The following RNF128 variants were observed in gnomAD, a reference collection of about 807,000 sequenced individuals.
RNF128 encodes the protein ring finger protein 128.
Under a neutral mutation model 26.2 loss-of-function variants are expected in RNF128, and 13 were observed. That is an observed-to-expected ratio of 0.50 (90% CI 0.32 to 0.79). The LOEUF is 0.79. Ranked by LOEUF, RNF128 falls within the 30% of genes least tolerant of loss-of-function variation. The probability of loss-of-function intolerance (pLI) is 0.03; values close to 1 mark genes in which losing one functional copy is unlikely to be tolerated. For missense variants in RNF128, 315 were observed against 349.7 expected (o/e 0.90, Z 0.79); for synonymous variants, 149 against 142.5 (o/e 1.05, Z -0.32).
At chrX:106,781,299 T>C (rs1374014809) in intron 2 of RNF128, among the ~76,000 whole-genome samples, 4 of 112,075 alleles carry the variant, frequency 3.6e-5, no homozygotes, top group Non-Finnish European at 7.5e-5. Flanking sequence ...AAGTATCTCA[T>C]GTAATTTGTA....
intron 1 of RNF128, among the ~76,000 whole-genome samples, chrX:106,741,002 G>A (rs1222628386): frequency 9.0e-6 from 1 of 110,857 alleles, no homozygotes; most frequent in Admixed American, 9.7e-5. Context: ...AGAGTTTACT[G>A]ACTAGCATTC....
At chrX:106,734,358 G>T (rs908373064) in intron 1 of RNF128, among the ~76,000 whole-genome samples, 60 of 111,722 alleles carry the variant, frequency 5.4e-4, no homozygotes, top group Admixed American at 4.4e-3. Flanking sequence ...ATTTCTTAGG[G>T]TTTGATCACC....
chrX:106,745,143 T>G (rs1221219820), intron 1 of RNF128, among the ~76,000 whole-genome samples: 1 of 111,825 alleles, frequency 8.9e-6, no homozygotes, highest in Non-Finnish European at 1.9e-5. Context: ...CAGAGAATTT[T>G]TGTGCTATAT....
chrX:106,704,313 G>T (rs1399008669), intron 1 of RNF128, among the ~76,000 whole-genome samples: 4 of 109,274 alleles, frequency 3.7e-5, no homozygotes, highest in Admixed American at 2.9e-4. Context: ...GGCGCCTGTA[G>T]TCCCAGCTAC....
chrX:106,701,199 T>G (rs1013434289), intron 1 of RNF128, among the ~76,000 whole-genome samples: 1 of 111,516 alleles, frequency 9.0e-6, no homozygotes. Context: ...TAATTCTACC[T>G]CTTAATTTTT....
intron 1 of RNF128, among the ~76,000 whole-genome samples, chrX:106,739,920 A>G (rs1477730825): frequency 2.7e-5 from 3 of 111,683 alleles, no homozygotes; most frequent in Non-Finnish European, 5.6e-5. Context: ...GGACTACTGG[A>G]ACTCTTGCAC....
intron 1 of RNF128, among the ~76,000 whole-genome samples, chrX:106,732,140 T>C (rs965405911): frequency 4.5e-5 from 5 of 111,803 alleles, no homozygotes; most frequent in Admixed American, 3.8e-4. Context: ...GACCTGTTTT[T>C]CTTAGCTCTG....
chrX:106,747,943 C>T (rs1384456943), intron 1 of RNF128, among the ~76,000 whole-genome samples: 1 of 111,941 alleles, frequency 8.9e-6, no homozygotes, highest in African/African-American at 3.2e-5. Context: ...TCTATAGCCC[C>T]ACAGGCTAGC....
intron 1 of RNF128, among the ~76,000 whole-genome samples, chrX:106,699,489 G>A (rs920537247): frequency 9.0e-6 from 1 of 111,001 alleles, no homozygotes; most frequent in Admixed American, 9.6e-5. Flanking sequence ...TCTAGTACAG[G>A]CTACCGCCAG....
At chrX:106,791,275 A>G (rs1304001468) in intron 6 of RNF128, 41 bp downstream of exon 6, 2 of 1,125,914 alleles carry the variant, frequency 1.8e-6, no homozygotes, top group Admixed American at 4.5e-5. Context: ...CCTGCAATCC[A>G]TTGTAGATCA....
In RNF128 at chrX:106,694,024, AGTTTTTT is replaced by A. The variant is rs779247842; in HGVS notation, c.23_29del (p.Ser8IlefsTer5). ...AGCAATGAACCAGGAGAATAGGTCCAGTTTTTTTTGGCTCCTTGTAATTTTTACCTTT... is the reference window on the plus strand; with the variant it reads ...AGCAATGAACCAGGAGAATAGGTCCATTGGCTCCTTGTAATTTTTACCTTT... On this transcript the variant is annotated frameshift_variant, in exon 1 of 7. Coordinates refer to the RNF128 transcript ENST00000324342. LOFTEE classifies it high-confidence loss of function. 2,033 of 1,199,023 alleles carry A rather than the reference AGTTTTTT, an allele frequency of 1.7e-3. 22 individuals carry two copies. In the South Asian group the frequency reaches 0.035, roughly 21 times the overall value.
chrX:106,694,412 A>T, intron 1 of RNF128: 1 of 1,164,570 alleles, frequency 8.6e-7, no homozygotes, highest in African/African-American at 1.8e-5. Context: ...AATTTTGGTA[A>T]GTAATAATTG....
intron 1 of RNF128, among the ~76,000 whole-genome samples, chrX:106,735,957 T>G: frequency 9.1e-6 from 1 of 110,015 alleles, no homozygotes; most frequent in South Asian, 3.9e-4. Context: ...TTTCTTTGTA[T>G]TTTTGTTTTT....
In RNF128 at chrX:106,791,811, C is replaced by T. The variant is rs953562993; in HGVS notation, c.1153+577C>T. On this transcript the variant is annotated intron_variant, in intron 6 of 6. Coordinates refer to ENST00000255499, the MANE Select transcript of RNF128 (RefSeq NM_194463.2). ...TGTATTGCAACTTAGTAATTTTATG[C>T]CAAATGAGAAATTTTAGGGAGTTCT... Among the ~76,000 whole-genome samples the T allele has an allele frequency of 3.6e-5, 4 of 111,014 alleles. No homozygotes were observed. In the South Asian group the frequency reaches 1.5e-3, roughly 42 times the overall value.
At chrX:106,762,975 A>G (rs989154934) in intron 1 of RNF128, among the ~76,000 whole-genome samples, 3 of 109,263 alleles carry the variant, frequency 2.7e-5, no homozygotes, top group Non-Finnish European at 3.8e-5. Context: ...CAGTTTGCCT[A>G]TATAACATAC....
At chrX:106,761,348 G>A (rs1339788762) in intron 1 of RNF128, among the ~76,000 whole-genome samples, 1 of 111,951 alleles carries the variant, frequency 8.9e-6, no homozygotes, top group Admixed American at 9.5e-5. Flanking sequence ...AATTAGTTCA[G>A]CCATTGTGGA....
chrX:106,705,453 G>T (rs769723096), intron 1 of RNF128, among the ~76,000 whole-genome samples: 1 of 111,364 alleles, frequency 9.0e-6, no homozygotes, highest in Non-Finnish European at 1.9e-5. Flanking sequence ...TTAAATGCCC[G>T]GATACCCTGC....
At chrX:106,720,111 T>C (rs1166242388) in intron 1 of RNF128, among the ~76,000 whole-genome samples, 1 of 110,236 alleles carries the variant, frequency 9.1e-6, no homozygotes, top group Non-Finnish European at 1.9e-5. Context: ...CCGAGGTAGG[T>C]TTGCCCAATA....
rs187114665 is a variant in RNF128, at chrX:106,704,207, G to A, written c.406+9799G>A. On this transcript the variant is annotated intron_variant, in intron 1 of 6. Transcript: ENST00000324342. ...TCCCAGCACTTTGGGGGGCCAAGAA[G>A]GGCAGATCACGAGGTCAGGAGATCA... Among the ~76,000 whole-genome samples the A allele has an allele frequency of 3.9e-4, 43 of 109,992 alleles. 1 individual carries two copies. The highest frequency in any genetic ancestry group is 2.6e-3 in the East Asian group (9 of 3,465).
Sources: allele counts gnomAD v4.1 joint callset (sites outside exome capture counted in the v4.1 genomes callset), GRCh38; gene constraint gnomAD v4.1.1; transcripts MANE v1.5; gene names NCBI Gene and HGNC (gene_info 2026-07-23, HGNC 2026-07-21).